The following CNTN1 variants were observed in gnomAD, a reference collection of about 807,000 sequenced individuals.
The protein encoded by CNTN1 is contactin-1.
CNTN1 carries 38 observed loss-of-function variants against 126.4 expected under a neutral mutation model. The observed-to-expected ratio is 0.30, with a 90% CI of 0.23 to 0.39. The LOEUF is 0.39. Among genes scored for constraint, CNTN1 ranks in the 10% least tolerant of loss-of-function variants. The pLI is 1.00. For missense variants in CNTN1, 1,009 were observed against 1,248.4 expected, an observed-to-expected ratio of 0.81 and a Z score of 2.89; for synonymous variants, 413 against 422.6, an observed-to-expected ratio of 0.98 and a Z score of 0.28.
chr12:40,875,305 A>G (rs1053827010), intron 1 of CNTN1, among the ~76,000 whole-genome samples: 3 of 152,146 alleles, frequency 2.0e-5, no homozygotes, highest in Non-Finnish European at 4.4e-5. Context: ...ATAGTAAAAC[A>G]TCACATCCAG....
intron 3 of CNTN1, among the ~76,000 whole-genome samples, chr12:40,911,293 G>A (rs546901245): frequency 6.6e-6 from 1 of 152,022 alleles, no homozygotes; most frequent in Non-Finnish European, 1.5e-5. Flanking sequence ...TATTAGCCAG[G>A]ATGGTCTCAA....
At chr12:40,861,645 C>T (rs565855596) in intron 1 of CNTN1, among the ~76,000 whole-genome samples, 22 of 151,978 alleles carry the variant, frequency 1.4e-4, no homozygotes, top group East Asian at 5.8e-4. Flanking sequence ...CCTTAAGAAC[C>T]GTTCTGTGCC....
At chr12:41,040,700 A>G (rs1187915153) in intron 23 of CNTN1, among the ~76,000 whole-genome samples, 1 of 151,736 alleles carries the variant, frequency 6.6e-6, no homozygotes, top group South Asian at 2.1e-4. Context: ...TTCACTCATG[A>G]TTTGGCTCTC....
chr12:40,896,154 C>G (rs1054734824), intron 1 of CNTN1: 2 of 152,078 alleles, frequency 1.3e-5, no homozygotes, highest in Non-Finnish European at 2.9e-5. Flanking sequence ...ACACCTAAAT[C>G]TTCTGAACAC....
At position 40,887,908 on chromosome 12, in the gene CNTN1, G is replaced by A. The variant is rs1441323311; in HGVS notation, c.-76-20449G>A. Among the ~76,000 whole-genome samples, 7 of 150,746 alleles carry A rather than the reference G, an allele frequency of 4.6e-5. No homozygotes were observed. In the East Asian group the frequency reaches 7.8e-4, roughly 17 times the overall value. On this transcript the variant is annotated intron_variant, in intron 1 of 23. Transcript: ENST00000551295. ...AAATCATCATTCTCAGCAAACTATC[G>A]CAAGGACAAAAAACCAAACACTGCA...
intron 1 of CNTN1, among the ~76,000 whole-genome samples, chr12:40,764,419 T>A (rs1938995650): frequency 6.6e-6 from 1 of 152,086 alleles, no homozygotes; most frequent in Admixed American, 6.5e-5. Context: ...AAGAGGTTTG[T>A]CTATTTGATT....
chr12:41,031,526 C>G (rs1355095747), intron 23 of CNTN1, among the ~76,000 whole-genome samples: 1 of 152,060 alleles, frequency 6.6e-6, no homozygotes, highest in Non-Finnish European at 1.5e-5. Context: ...ACATTTTTAA[C>G]ACATTGCTCA....
At chr12:40,894,445 G>A (rs1267131514) in intron 1 of CNTN1, among the ~76,000 whole-genome samples, 1 of 152,174 alleles carries the variant, frequency 6.6e-6, no homozygotes. Flanking sequence ...ATCGACTACA[G>A]TAACGCAAAA....
Position 40,789,663 on chromosome 12 carries a change from T to TA in CNTN1, c.-77+97072dup, listed in dbSNP as rs1325001440. On this transcript the variant is annotated intron_variant, in intron 1 of 23. Coordinates refer to ENST00000551295, the MANE Select transcript of CNTN1 (RefSeq NM_001843.4). ...ATAAGCTTTTGTTAACATTTTGAGA[T>TA]ATTTTGAGTTCATATATACCTAAAT... is the stretch of plus-strand genomic sequence containing the variant. 5.4e-3 allele frequency among the ~76,000 whole-genome samples: 9 copies of TA among 1,668 alleles called. 4 individuals carry two copies. The East Asian group carries it at 0.16, about 29-fold the overall frequency. The allele number at this position is 1,668 out of a possible 152,430, so 1.1% of individuals were successfully genotyped here.
intron 23 of CNTN1, among the ~76,000 whole-genome samples, chr12:41,046,384 A>AC (rs1009255216): frequency 2.6e-5 from 4 of 152,100 alleles, no homozygotes; most frequent in Non-Finnish European, 5.9e-5. Flanking sequence ...TAACAATCAA[A>AC]CATATTCTCA....
At chr12:40,921,411 G>A (rs1945439028) in intron 4 of CNTN1, among the ~76,000 whole-genome samples, 1 of 152,148 alleles carries the variant, frequency 6.6e-6, no homozygotes, top group African/African-American at 2.4e-5. Flanking sequence ...AAATTATACA[G>A]TTGGTTCTCT....
chr12:41,047,167 A>C (rs10128997), intron 23 of CNTN1, among the ~76,000 whole-genome samples: 27,168 of 151,868 alleles, frequency 0.18, 3,319 homozygotes, highest in African/African-American at 0.35. Context: ...ACTCTGAGAT[A>C]TAATCTGTTC....
chr12:40,860,695 C>T (rs1943085520), intron 1 of CNTN1, among the ~76,000 whole-genome samples: 1 of 152,114 alleles, frequency 6.6e-6, no homozygotes, highest in Admixed American at 6.6e-5. Context: ...GCAGGAGCTT[C>T]CATACTCTCT....
chr12:40,992,574 C>A (rs1490496589), intron 16 of CNTN1, among the ~76,000 whole-genome samples: 4 of 151,842 alleles, frequency 2.6e-5, no homozygotes, highest in Non-Finnish European at 5.9e-5. Flanking sequence ...CTGAGGGATA[C>A]TTAACAAATC....
In CNTN1 at chr12:41,070,559, C is replaced by T. The variant is rs1443498820; in HGVS notation, c.*524C>T. 1 of 154,018 alleles carries T rather than the reference C, an allele frequency of 6.5e-6. No individual in the cohort carries two copies. The highest frequency in any genetic ancestry group is 2.4e-5 in the African/African-American group (1 of 41,404). 9.5% of individuals were successfully genotyped at this position (154,018 alleles called of 1,614,324 possible). A position where few individuals can be genotyped will look rare whatever the true frequency, so the allele number is the denominator to read the frequency against. Reference sequence around the variant, plus strand: ...GACATCTTGAGTTTTCTTGAAAAGACAATAGAGTGTAACAAATATTTTGTC... The same window carrying T: ...GACATCTTGAGTTTTCTTGAAAAGATAATAGAGTGTAACAAATATTTTGTC... On this transcript the variant is annotated 3_prime_UTR_variant, in exon 24 of 24. Coordinates refer to ENST00000551295, the MANE Select transcript of CNTN1 (RefSeq NM_001843.4).
At chr12:40,847,734 G>A (rs2136605980) in intron 1 of CNTN1, among the ~76,000 whole-genome samples, 1 of 152,334 alleles carries the variant, frequency 6.6e-6, no homozygotes, top group East Asian at 1.9e-4. Flanking sequence ...TTGAATTACA[G>A]CCTGAAGGAG....
At chr12:40,880,185 T>C (rs1565877346) in intron 1 of CNTN1, among the ~76,000 whole-genome samples, 1 of 152,074 alleles carries the variant, frequency 6.6e-6, no homozygotes, top group Admixed American at 6.6e-5. Flanking sequence ...ATATAGTGGA[T>C]ACATACTATG....
intron 1 of CNTN1, among the ~76,000 whole-genome samples, chr12:40,767,028 G>A (rs181122340): frequency 6.6e-6 from 1 of 152,092 alleles, no homozygotes; most frequent in African/African-American, 2.4e-5. Flanking sequence ...AAGAGAGATT[G>A]GGAATGGAGA....
chr12:40,830,833 ATACT>A (rs1245216273), intron 1 of CNTN1, among the ~76,000 whole-genome samples: 1 of 64,182 alleles, frequency 1.6e-5, no homozygotes, highest in Non-Finnish European at 3.3e-5. Flanking sequence ...ATATATATAT[ATACT>A]CTTTATCTGT....
Sources: gnomAD v4.1 joint callset for allele counts (sites outside exome capture counted in the v4.1 genomes callset) on GRCh38, gnomAD v4.1.1 for gene constraint, MANE v1.5 for transcripts, NCBI Gene and HGNC (gene_info 2026-07-23, HGNC 2026-07-21) for gene names.